The following RALGAPB variants were observed in gnomAD, a reference collection of about 807,000 sequenced individuals.
RALGAPB encodes the protein Ral GTPase activating protein non-catalytic subunit beta, also known as ral GTPase-activating protein subunit beta.
A neutral mutation model predicts 161.1 loss-of-function variants in RALGAPB; 25 were observed. The ratio of observed to expected loss-of-function variants is 0.16; its 90% CI spans 0.11 to 0.22. RALGAPB has a LOEUF of 0.22. Ranked by LOEUF, RALGAPB falls within the 10% of genes least tolerant of loss-of-function variation. The pLI, the probability that RALGAPB is intolerant of heterozygous loss-of-function variation, is 1.00. For synonymous variants in RALGAPB, 629 were observed against 626.1 expected (o/e 1.00, Z -0.07); for missense variants, 1,391 against 1,815.2 (o/e 0.77, Z 4.25).
chr20:38,495,530 T>C (rs2085402993), intron 3 of RALGAPB, among the ~76,000 whole-genome samples: 1 of 152,202 alleles, frequency 6.6e-6, no homozygotes, highest in African/African-American at 2.4e-5. Flanking sequence ...TGAATGATCA[T>C]TACTGTGTTC....
At chr20:38,524,671 A>G (rs79355080) in intron 10 of RALGAPB, 107 bp from the exon 11 acceptor site, 1 of 843,742 alleles carries the variant, frequency 1.2e-6, no homozygotes. Flanking sequence ...TTAAAGGGTA[A>G]AAATAGTGAT....
At chr20:38,549,531 A>AT (rs1478032961) in intron 20 of RALGAPB, among the ~76,000 whole-genome samples, 5 of 138,582 alleles carry the variant, frequency 3.6e-5, no homozygotes, top group African/African-American at 8.3e-5. Flanking sequence ...ACCCAGCCTA[A>AT]TTAAAAAAAA....
intron 1 of RALGAPB, among the ~76,000 whole-genome samples, chr20:38,482,426 CTTT>C (rs386393725): frequency 1.6e-5 from 2 of 121,378 alleles, no homozygotes; most frequent in African/African-American, 3.1e-5. Flanking sequence ...GTATGTTTAT[CTTT>C]TTTTTTTTTT....
chr20:38,516,307 C>T lies in RALGAPB; in HGVS notation c.988C>T (p.His330Tyr), dbSNP rs770774633. The T allele has an allele frequency of 6.2e-7, 1 of 1,614,092 alleles. No homozygotes were observed. Among genetic ancestry groups the T allele is most frequent in the Non-Finnish European group, 8.5e-7 (1 of 1,179,982 alleles). Reference protein sequence around the residue: ...QELNQYPCLKHLPQIFFRAMR... With the variant: ...QELNQYPCLKYLPQIFFRAMR... ...ATTGAATCAGTATCCCTGCCTTAAA[C>T]ATCTGCCTCAAATATTTTTTCGTGC... Residue 330 changes from histidine (H) to tyrosine (Y), a missense_variant, in exon 7 of 30, where the codon CAT (histidine) becomes TAT (tyrosine). His to Tyr is a moderately conservative substitution (Grantham distance 83). Coordinates refer to ENST00000262879, the MANE Select transcript of RALGAPB (RefSeq NM_020336.4).
intron 23 of RALGAPB, among the ~76,000 whole-genome samples, chr20:38,560,123 T>C (rs115779318): frequency 0.019 from 2,924 of 152,146 alleles, 95 homozygotes; most frequent in African/African-American, 0.066. Context: ...TTTTTTGTTA[T>C]TGAGTCAATA....
intron 3 of RALGAPB, among the ~76,000 whole-genome samples, chr20:38,493,681 G>A (rs939164510): frequency 5.9e-5 from 9 of 152,178 alleles, no homozygotes; most frequent in Admixed American, 6.5e-5. Flanking sequence ...TAAAGTTCTG[G>A]TTAGAGCTTT....
chr20:38,529,683 GAA>G, intron 13 of RALGAPB, among the ~76,000 whole-genome samples: 1 of 147,428 alleles, frequency 6.8e-6, no homozygotes, highest in South Asian at 2.2e-4. Context: ...ATACAAAAAA[GAA>G]AAAAAAAATT....
rs2123093978 is a variant in RALGAPB at position 38,517,875 on chromosome 20, C to T, written c.1292C>T (p.Pro431Leu). 1 of 1,613,820 alleles carries T rather than the reference C, an allele frequency of 6.2e-7. No individual in the cohort carries two copies. Among genetic ancestry groups the T allele is most frequent in the Non-Finnish European group, 8.5e-7 (1 of 1,179,722 alleles). ...SPNQTSSEPR[P>L]LPAPRRPKVN... is the part of the protein sequence containing the mutation. Reference sequence around the variant, plus strand: ...AATCAGACTAGTTCAGAACCCCGGCCACTGCCTGCCCCTCGGAGACCAAAG... The same window carrying T: ...AATCAGACTAGTTCAGAACCCCGGCTACTGCCTGCCCCTCGGAGACCAAAG... The change falls in exon 9 of 30, where the codon CCA (proline) becomes CTA (leucine). Residue 431 changes from proline (P) to leucine (L), a missense_variant. Coordinates refer to ENST00000262879, the MANE Select transcript of RALGAPB (RefSeq NM_020336.4).
rs149913972 is a variant in RALGAPB at position 38,535,267 on chromosome 20, G to A, written c.2379+60G>A. 6,050 of 1,566,106 alleles carry A rather than the reference G, an allele frequency of 3.9e-3. 17 individuals carry two copies. The highest frequency in any genetic ancestry group is 4.6e-3 in the Non-Finnish European group (5,232 of 1,141,054). On this transcript the variant is annotated intron_variant, in intron 16 of 29. Transcript: ENST00000262879. ...GCCTTGGGCCTTGGCTGTTTTTTCT[G>A]TATCTCTTAACCCCTTGTGTGGGTA...
At chr20:38,544,967 A>G (rs1385591488) in intron 18 of RALGAPB, among the ~76,000 whole-genome samples, 2 of 152,136 alleles carry the variant, frequency 1.3e-5, no homozygotes, top group African/African-American at 4.8e-5. Context: ...AGTGTTTGAA[A>G]GTAATGCACA....
At chr20:38,523,107 T>C (rs1428538051) in intron 10 of RALGAPB, among the ~76,000 whole-genome samples, 1 of 152,038 alleles carries the variant, frequency 6.6e-6, no homozygotes, top group Admixed American at 6.5e-5. Flanking sequence ...TGAGCCGAGA[T>C]TGTGCCACTG....
Position 38,511,058 on chromosome 20 carries a change from C to T in RALGAPB, c.872+1850C>T, listed in dbSNP as rs370698955. 3.3e-5 allele frequency among the ~76,000 whole-genome samples: 5 copies of T among 152,162 alleles called. No homozygotes were observed. The East Asian group carries it at 5.8e-4, about 18-fold the overall frequency. On this transcript the variant is annotated intron_variant, in intron 6 of 29. Transcript: ENST00000262879. ...GCCTCAGTGTTATAAGCAGGATTCTCGTATCTGGCTAGCAGATGGGGAACA... is the reference window on the plus strand; with the variant it reads ...GCCTCAGTGTTATAAGCAGGATTCTTGTATCTGGCTAGCAGATGGGGAACA...
At position 38,561,762 on chromosome 20, in the gene RALGAPB, G is replaced by A. The variant is rs549293550; in HGVS notation, c.3532-770G>A. Among the ~76,000 whole-genome samples the A allele has an allele frequency of 3.1e-3, 479 of 152,190 alleles. 6 individuals carry two copies. The highest frequency in any genetic ancestry group is 0.011 in the African/African-American group (446 of 41,534). ...GGGCCAGATAAGTTCTTTGTTACGGGGGCTATCCTGTGTATTTTAGAACAT... is the reference window on the plus strand; with the variant it reads ...GGGCCAGATAAGTTCTTTGTTACGGAGGCTATCCTGTGTATTTTAGAACAT... On this transcript the variant is annotated intron_variant, in intron 23 of 29. Transcript: ENST00000262879.
chr20:38,521,242 A>T (rs2123115067), intron 9 of RALGAPB, among the ~76,000 whole-genome samples: 1 of 152,352 alleles, frequency 6.6e-6, no homozygotes, highest in South Asian at 2.1e-4. Context: ...TCTGCTGATC[A>T]AAAATTCAGT....
intron 13 of RALGAPB, among the ~76,000 whole-genome samples, chr20:38,529,503 G>A (rs2123172672): frequency 6.7e-6 from 1 of 148,666 alleles, no homozygotes; most frequent in South Asian, 2.1e-4. Flanking sequence ...GGCAATAAGA[G>A]CGAAACTCCG....
At chr20:38,564,883 TTCCTCCTCCTCTTTTCC>T (rs2087931038) in intron 24 of RALGAPB, among the ~76,000 whole-genome samples, 1 of 151,288 alleles carries the variant, frequency 6.6e-6, no homozygotes, top group African/African-American at 2.4e-5. Context: ...CCTCCTCCTC[TTCCTCCTCCTCTTTTCC>T]TCCTCCTCCT....
At chr20:38,509,992 G>T (rs2085886132) in intron 6 of RALGAPB, among the ~76,000 whole-genome samples, 1 of 151,986 alleles carries the variant, frequency 6.6e-6, no homozygotes, top group Non-Finnish European at 1.5e-5. Flanking sequence ...GTCTTTCTGT[G>T]ATCATTTTCT....
intron 23 of RALGAPB, among the ~76,000 whole-genome samples, chr20:38,561,905 A>G (rs2087798727): frequency 6.6e-6 from 1 of 152,222 alleles, no homozygotes; most frequent in Non-Finnish European, 1.5e-5. Context: ...CCCCTAGATG[A>G]GAAGCACTGT....
intron 10 of RALGAPB, among the ~76,000 whole-genome samples, chr20:38,522,578 C>T (rs1174555112): frequency 6.6e-6 from 1 of 152,136 alleles, no homozygotes; most frequent in African/African-American, 2.4e-5. Context: ...CACACAAGTG[C>T]AGAAGTGAGG....
Sources: gnomAD v4.1 joint callset for allele counts (sites outside exome capture counted in the v4.1 genomes callset) on GRCh38, gnomAD v4.1.1 for gene constraint, MANE v1.5 for transcripts, NCBI Gene and HGNC (gene_info 2026-07-23, HGNC 2026-07-21) for gene names.